The following FRMD4B variants were observed in gnomAD, a reference collection of about 807,000 sequenced individuals.
The protein encoded by FRMD4B is FERM domain-containing protein 4B.
In FRMD4B, 74 loss-of-function variants were observed where a neutral mutation model predicts 141.5. The ratio of observed to expected loss-of-function variants is 0.52; its 90% confidence interval spans 0.43 to 0.63. The LOEUF (loss-of-function observed/expected upper bound fraction) is 0.63. FRMD4B is among the 30% of genes least tolerant of loss of function. The pLI, the probability that FRMD4B is intolerant of heterozygous loss-of-function variation, is 0.00. For missense variants in FRMD4B, 1,366 were observed against 1,253.4 expected (o/e 1.09, Z -1.36); for synonymous variants, 506 against 467.9 (o/e 1.08, Z -1.05).
In FRMD4B at chr3:69,215,347, C is replaced by T. The variant is rs192001758; in HGVS notation, c.876+916G>A. On this transcript the variant is annotated intron_variant, in intron 11 of 22. Transcript: ENST00000398540. Reference sequence around the variant, plus strand: ...TCTCTCTGTTGCCCAGGCTGGAGTGCGGTGGCACAATCTTGTCTCACTGCA... The same window carrying T: ...TCTCTCTGTTGCCCAGGCTGGAGTGTGGTGGCACAATCTTGTCTCACTGCA... Among the ~76,000 whole-genome samples, 306 of 103,886 alleles carry T rather than the reference C, an allele frequency of 2.9e-3. 2 individuals carry two copies. The highest frequency in any genetic ancestry group is 0.023 in the Middle Eastern group (2 of 86). The allele number at this position is 103,886 out of a possible 152,430, so 68.2% of individuals were successfully genotyped here.
intron 1 of FRMD4B, among the ~76,000 whole-genome samples, chr3:69,452,096 A>T (rs1024876310): frequency 9.8e-5 from 15 of 152,286 alleles, no homozygotes; most frequent in African/African-American, 3.6e-4. Context: ...TTATAATGGT[A>T]GGAGGAAGAA....
intron 7 of FRMD4B, among the ~76,000 whole-genome samples, chr3:69,247,896 GCCTCAGCCTCTCA>G (rs2093435238): frequency 6.6e-6 from 1 of 152,150 alleles, no homozygotes; most frequent in Non-Finnish European, 1.5e-5. Flanking sequence ...TGATCTGCCC[GCCTCAGCCTCTCA>G]AAGTGCTGGG....
chr3:69,282,682 G>A (rs1220859242), intron 5 of FRMD4B, among the ~76,000 whole-genome samples: 1 of 152,140 alleles, frequency 6.6e-6, no homozygotes, highest in Non-Finnish European at 1.5e-5. Context: ...TCTGTTGCCA[G>A]GTTGGAGTGC....
intron 1 of FRMD4B, among the ~76,000 whole-genome samples, chr3:69,340,025 C>T (rs759423918): frequency 6.6e-6 from 1 of 152,194 alleles, no homozygotes; most frequent in African/African-American, 2.4e-5. Flanking sequence ...CTTCCTCTTA[C>T]TCCCTGGGCC....
chr3:69,406,054 T>C (rs1704643489), intron 2 of FRMD4B, among the ~76,000 whole-genome samples: 1 of 152,206 alleles, frequency 6.6e-6, no homozygotes, highest in Admixed American at 6.5e-5. Context: ...AACACCACAT[T>C]ATTAATTTTA....
At chr3:69,514,178 T>A (rs1213404031) in intron 1 of FRMD4B, among the ~76,000 whole-genome samples, 1 of 152,148 alleles carries the variant, frequency 6.6e-6, no homozygotes, top group Non-Finnish European at 1.5e-5. Context: ...AAAGAATCTG[T>A]TAGAATTAAT....
intron 11 of FRMD4B, among the ~76,000 whole-genome samples, chr3:69,215,077 A>C (rs1435260777): frequency 1.3e-5 from 2 of 151,272 alleles, no homozygotes; most frequent in Admixed American, 1.3e-4. Context: ...ACGGGGTTTC[A>C]CCTTGTTGCC....
chr3:69,206,799 C>G (rs1228327304), intron 11 of FRMD4B, among the ~76,000 whole-genome samples: 1 of 151,908 alleles, frequency 6.6e-6, no homozygotes, highest in Non-Finnish European at 1.5e-5. Flanking sequence ...TTAAATGAGA[C>G]AAAGAATATA....
At chr3:69,481,202 G>A (rs142497197) in intron 1 of FRMD4B, among the ~76,000 whole-genome samples, 2,306 of 152,032 alleles carry the variant, frequency 0.015, 23 homozygotes, top group Non-Finnish European at 0.024. Flanking sequence ...GCTTGCGCAC[G>A]GTGTGCTGCA....
At chr3:69,536,583 G>C (rs138921959) in intron 1 of FRMD4B, 36 of 751,160 alleles carry the variant, frequency 4.8e-5, no homozygotes, top group Non-Finnish European at 8.3e-5. Context: ...GCATGCCACC[G>C]GGAAGCTGCT....
At chr3:69,421,494 A>G (rs1373506457) in intron 2 of FRMD4B, among the ~76,000 whole-genome samples, 1 of 152,040 alleles carries the variant, frequency 6.6e-6, no homozygotes, top group Admixed American at 6.6e-5. Context: ...AGATGCTCCA[A>G]TTTTTCCTGG....
At position 69,404,489 on chromosome 3, in the gene FRMD4B, C is replaced by T. The variant is rs559846323; in HGVS notation, c.-1+28145G>A. ...TTGTTTTCATGAAACAGCCATTAAT[C>T]ATTTAATTTTCACAATGACCTATGA... is the stretch of plus-strand genomic sequence containing the variant. On this transcript the variant is annotated intron_variant, in intron 2 of 5. Coordinates refer to the FRMD4B transcript ENST00000459638. 2.5e-4 allele frequency among the ~76,000 whole-genome samples: 38 copies of T among 152,240 alleles called. 1 individual carries two copies. In the East Asian group the frequency reaches 7.1e-3, roughly 29 times the overall value.
At chr3:69,342,526 C>G (rs1702772926) in intron 1 of FRMD4B, among the ~76,000 whole-genome samples, 1 of 152,148 alleles carries the variant, frequency 6.6e-6, no homozygotes, top group Non-Finnish European at 1.5e-5. Flanking sequence ...TTTTATGAGA[C>G]TACTGCCATC....
chr3:69,332,220 G>A (rs1702392824), intron 1 of FRMD4B, among the ~76,000 whole-genome samples: 2 of 152,224 alleles, frequency 1.3e-5, no homozygotes, highest in South Asian at 4.1e-4. Context: ...CCTTGCAGAA[G>A]AGAAGGGAGC....
At chr3:69,477,832 C>T (rs1471366110) in intron 1 of FRMD4B, among the ~76,000 whole-genome samples, 1 of 150,666 alleles carries the variant, frequency 6.6e-6, no homozygotes, top group Admixed American at 6.6e-5. Flanking sequence ...TCCCTCTGGT[C>T]CTGGACTCTT....
At chr3:69,260,191 C>T (rs1330182176) in intron 5 of FRMD4B, among the ~76,000 whole-genome samples, 2 of 152,170 alleles carry the variant, frequency 1.3e-5, no homozygotes, top group Non-Finnish European at 2.9e-5. Context: ...TTAAGCCCAC[C>T]GCTGCACTGT....
intron 7 of FRMD4B, among the ~76,000 whole-genome samples, chr3:69,225,755 T>C (rs932996638): frequency 1.4e-5 from 2 of 140,078 alleles, no homozygotes; most frequent in African/African-American, 5.4e-5. Context: ...TACTACCCAG[T>C]CATAGTTGGT....
chr3:69,172,535 T>G (rs2092599262), intron 22 of FRMD4B, among the ~76,000 whole-genome samples: 1 of 152,248 alleles, frequency 6.6e-6, no homozygotes, highest in African/African-American at 2.4e-5. Context: ...AAAAGTATAT[T>G]GTGACAATCA....
intron 2 of FRMD4B, among the ~76,000 whole-genome samples, chr3:69,397,538 TA>T (rs1327523597): frequency 6.6e-6 from 1 of 151,980 alleles, no homozygotes; most frequent in African/African-American, 2.4e-5. Flanking sequence ...TAGATAACTT[TA>T]AAAAAAGAAA....
Sources: allele counts gnomAD v4.1 joint callset (sites outside exome capture counted in the v4.1 genomes callset), GRCh38; gene constraint gnomAD v4.1.1; transcripts MANE v1.5; gene names NCBI Gene and HGNC (gene_info 2026-07-23, HGNC 2026-07-21).